The following MIER1 variants were observed in gnomAD, a reference collection of about 807,000 sequenced individuals.
MIER1 encodes the protein MIER1 transcriptional regulator, also known as mesoderm induction early response protein 1.
MIER1 carries 40 observed loss-of-function variants against 75.7 expected under a neutral mutation model. The observed-to-expected ratio is 0.53, with a 90% confidence interval of 0.41 to 0.69. The LOEUF (loss-of-function observed/expected upper bound fraction) is 0.69. Ranked by LOEUF, MIER1 falls within the 30% of genes least tolerant of loss-of-function variation. The pLI is 0.00. For synonymous variants in MIER1, 213 were observed against 223.4 expected, an observed-to-expected ratio of 0.95 and a Z score of 0.42; for missense variants, 574 against 680.2, an observed-to-expected ratio of 0.84 and a Z score of 1.74.
chr1:66,928,849 A>T, intron 2 of MIER1: 1 of 1,397,972 alleles, frequency 7.2e-7, no homozygotes, highest in Non-Finnish European at 1.0e-6. Flanking sequence ...GGAACCTTAA[A>T]GTTTTCCTTT....
intron 4 of MIER1, among the ~76,000 whole-genome samples, chr1:66,949,323 T>TAA (rs1308364464): frequency 6.6e-6 from 1 of 152,220 alleles, no homozygotes; most frequent in African/African-American, 2.4e-5. Flanking sequence ...AGAAAATTAC[T>TAA]AATGGGCTGT....
At chr1:66,928,434 T>A (rs1180057449) in intron 2 of MIER1, among the ~76,000 whole-genome samples, 1 of 152,182 alleles carries the variant, frequency 6.6e-6, no homozygotes, top group Admixed American at 6.5e-5. Flanking sequence ...ACACTTTTAA[T>A]TTTCCTTTGG....
intron 9 of MIER1, among the ~76,000 whole-genome samples, chr1:66,971,180 A>AGG (rs1663528981): frequency 1.3e-5 from 2 of 152,132 alleles, no homozygotes; most frequent in African/African-American, 4.8e-5. Context: ...GCCTGTATAT[A>AGG]CTTTTCATTA....
intron 4 of MIER1, among the ~76,000 whole-genome samples, chr1:66,954,705 T>C (rs1659725284): frequency 6.6e-6 from 1 of 151,920 alleles, no homozygotes; most frequent in Non-Finnish European, 1.5e-5. Context: ...TTTTTTCTTT[T>C]TCCTTTTTTT....
intron 13 of MIER1, among the ~76,000 whole-genome samples, chr1:66,983,422 G>A (rs1057241704): frequency 8.5e-5 from 13 of 152,074 alleles, no homozygotes; most frequent in African/African-American, 2.9e-4. Context: ...CATCCTTTAT[G>A]CCGAATATTT....
At position 66,973,126 on chromosome 1, in the gene MIER1, GTAAT is replaced by G. The variant is rs961485393; in HGVS notation, c.1101+138_1101+141del. The G allele has an allele frequency of 7.8e-5, 45 of 579,462 alleles. No homozygotes were observed. In the African/African-American group the frequency reaches 7.8e-4, roughly 10 times the overall value. 35.9% of individuals were successfully genotyped at this position (579,462 alleles called of 1,614,324 possible). A position where few individuals can be genotyped will look rare whatever the true frequency, so the allele number is the denominator to read the frequency against. ...ATGACAATATTTTGGTATTTAGTGAGTAATTATAGTAAGGCTGCCTATACTTCCT... is the reference window on the plus strand; with the variant it reads ...ATGACAATATTTTGGTATTTAGTGAGTATAGTAAGGCTGCCTATACTTCCT... On this transcript the variant is annotated intron_variant, in intron 11 of 13. Transcript: ENST00000401041.
Position 66,984,812 on chromosome 1 carries a change from A to G in MIER1, c.1610A>G (p.Asn537Ser), listed in dbSNP as rs776835696. 6.2e-7 allele frequency: 1 copy of G among 1,613,642 alleles called. No homozygotes were observed. Among genetic ancestry groups the G allele is most frequent in the South Asian group, 1.1e-5 (1 of 90,988 alleles). The stretch of plus-strand genomic sequence containing the variant: ...GCCAAAAGGCGAAGGGTAAACAGCA[A>G]TGGAAAAGAAAGTCCAGGTTCTTCT... Reference protein sequence around the residue: ...RPAKRRRVNSNGKESPGSSEF... With the variant: ...RPAKRRRVNSSGKESPGSSEF... Residue 537 changes from asparagine (N) to serine (S), a missense_variant, in exon 14 of 14, where the codon AAT becomes AGT. Around this residue, in one of 3 missense-constraint regions of MIER1, gnomAD observed 164 missense variants for 154.3 expected, o/e 1.06. Transcript: ENST00000401041.
Position 66,958,282 on chromosome 1 carries a change from T to A in MIER1, c.501+62T>A, listed in dbSNP as rs546610140. 10 of 1,162,920 alleles carry A rather than the reference T, an allele frequency of 8.6e-6. 1 individual carries two copies. In the South Asian group the frequency reaches 1.5e-4, roughly 18 times the overall value. The allele number at this position is 1,162,920 out of a possible 1,614,324, so 72.0% of individuals were successfully genotyped here. A position where few individuals can be genotyped will look rare whatever the true frequency, so the allele number is the denominator to read the frequency against. On this transcript the variant is annotated intron_variant, in intron 5 of 13. Coordinates refer to ENST00000401041, the MANE Select transcript of MIER1 (RefSeq NM_001077700.3). ...TATTCTTGTTGAAGTTAAAATTGCT[T>A]AATATATTTTGATTACTTGTCTTTA...
chr1:66,930,676 C>G (rs1379325839), intron 2 of MIER1, among the ~76,000 whole-genome samples: 1 of 151,686 alleles, frequency 6.6e-6, no homozygotes, highest in East Asian at 1.9e-4. Context: ...AGGGGGCGCC[C>G]GCCGGGGAAG....
At chr1:66,949,005 C>T (rs1658304723) in intron 4 of MIER1, among the ~76,000 whole-genome samples, 1 of 152,118 alleles carries the variant, frequency 6.6e-6, no homozygotes, top group South Asian at 2.1e-4. Context: ...GGAAGCGATT[C>T]AAAAACAGTT....
chr1:66,959,805 G>T, intron 7 of MIER1, 62 bp downstream of exon 7: 1 of 737,320 alleles, frequency 1.4e-6, no homozygotes, highest in Non-Finnish European at 1.9e-6. Context: ...AAAGCCTCGT[G>T]TAATTATTTT....
At chr1:66,960,624 G>T (rs1661068949) in intron 7 of MIER1, among the ~76,000 whole-genome samples, 1 of 152,044 alleles carries the variant, frequency 6.6e-6, no homozygotes, top group South Asian at 2.1e-4. Context: ...GACCAGGCTG[G>T]GCAACATAGT....
chr1:66,958,201 G>T lies in MIER1; in HGVS notation c.482G>T (p.Gly161Val). 1 of 1,601,652 alleles carries T rather than the reference G, an allele frequency of 6.2e-7. No individual in the cohort carries two copies. Among genetic ancestry groups the T allele is most frequent in the South Asian group, 1.1e-5 (1 of 90,638 alleles). The change falls in exon 5 of 14, where the codon GGC (glycine) becomes GTC (valine). Residue 161 changes from glycine to valine, a missense_variant. Physicochemically the swap from Gly to Val is moderately radical, Grantham distance 109. This residue lies in a region of MIER1 where 309 missense variants were observed against 352.8 expected (regional missense o/e 0.88). Transcript: ENST00000401041. ...GATGCTGATAATGATGACAACAGTGGCTGTAGTGGGGAAAATAAAGTAAGT... is the reference window on the plus strand; with the variant it reads ...GATGCTGATAATGATGACAACAGTGTCTGTAGTGGGGAAAATAAAGTAAGT... Reference protein sequence around the residue: ...DEDADNDDNSGCSGENKEENI... With the variant: ...DEDADNDDNSVCSGENKEENI...
At chr1:66,947,564 C>G (rs1288272976) in intron 4 of MIER1, 1 of 152,174 alleles carries the variant, frequency 6.6e-6, no homozygotes, top group East Asian at 1.9e-4. Context: ...CCATTGCTGC[C>G]TAGATTACCA....
rs1362573246 is a variant in MIER1 at position 66,972,878 on chromosome 1, G to C, written c.1007-19G>C. 2 of 1,329,892 alleles carry C rather than the reference G, an allele frequency of 1.5e-6. No individual in the cohort carries two copies. The highest frequency in any genetic ancestry group is 1.2e-5 in the South Asian group (1 of 81,782). The allele number at this position is 1,329,892 out of a possible 1,614,324, so 82.4% of individuals were successfully genotyped here. On this transcript the variant is annotated intron_variant, in intron 10 of 13. Transcript: ENST00000401041. ...TTGGGGGAATATTGCTTAACAGTTT[G>C]TTCCTCCCATCTTGTCAGAGGAATT...
chr1:66,963,239 A>G, intron 8 of MIER1, 79 bp downstream of exon 8: 1 of 936,840 alleles, frequency 1.1e-6, no homozygotes, highest in Non-Finnish European at 1.7e-6. Context: ...AAAATGTGAT[A>G]AGAACATGAC....
Position 66,984,757 on chromosome 1 carries a change from A to T in MIER1, c.1555A>T (p.Asn519Tyr), listed in dbSNP as rs750346509. Residue 519 changes from asparagine to tyrosine, a missense_variant, in exon 14 of 14, where the codon AAT becomes TAT. Coordinates refer to ENST00000401041, the MANE Select transcript of MIER1 (RefSeq NM_001077700.3). ...TGCCCATATGACTGCAAGAAATGAA[A>T]ATGATTTTGATGAAAAAAGTGAGAG... ...KLAHMTARNE[N>Y]DFDEKSERPA... is the part of the protein sequence containing the mutation. 4 of 1,614,052 alleles carry T rather than the reference A, an allele frequency of 2.5e-6. No homozygotes were observed. Among genetic ancestry groups the T allele is most frequent in the Non-Finnish European group, 3.4e-6 (4 of 1,179,948 alleles).
intron 7 of MIER1, among the ~76,000 whole-genome samples, 181 bp from the exon 8 acceptor site, chr1:66,962,907 T>C (rs1428849307): frequency 6.6e-6 from 1 of 152,156 alleles, no homozygotes; most frequent in Non-Finnish European, 1.5e-5. Flanking sequence ...ATTACTAATA[T>C]TTTCATCCAG....
rs540370698 is a variant in MIER1, at chr1:66,932,172, GA to G, written c.168+5937del. The stretch of plus-strand genomic sequence containing the variant: ...ATGGTTGCGTTATTGTAAGATAAAG[GA>G]AAAAAATATTTTGATTCACTAATCA... On this transcript the variant is annotated intron_variant, in intron 2 of 13. Transcript: ENST00000401041. Among the ~76,000 whole-genome samples, 517 of 152,058 alleles carry G rather than the reference GA, an allele frequency of 3.4e-3. 3 individuals carry two copies. Among genetic ancestry groups the G allele is most frequent in the African/African-American group, 0.012 (494 of 41,494 alleles).
Sources: gnomAD v4.1 joint callset for allele counts (sites outside exome capture counted in the v4.1 genomes callset) on GRCh38, gnomAD v4.1.1 for gene constraint, gnomAD v4.1.1 regional missense constraint, MANE v1.5 for transcripts, NCBI Gene and HGNC (gene_info 2026-07-23, HGNC 2026-07-21) for gene names.